Variants in IQGAP2 observed in about 807,000 individuals in gnomAD.
IQGAP2 encodes the protein IQ motif containing GTPase activating protein 2.
Under a neutral mutation model 201.3 loss-of-function variants are expected in IQGAP2, and 173 were observed. The observed-to-expected ratio is 0.86, with a 90% CI of 0.76 to 0.98. The LOEUF is 0.98. IQGAP2 is among the 50% of genes least tolerant of loss of function. IQGAP2 has a pLI of 0.00. For synonymous variants in IQGAP2, 675 were observed against 673.9 expected, an observed-to-expected ratio of 1.00 and a Z score of -0.03; for missense variants, 1,687 against 1,864.8, an observed-to-expected ratio of 0.90 and a Z score of 1.76.
chr5:76,484,950 T>A (rs867337394), intron 2 of IQGAP2, among the ~76,000 whole-genome samples: 3 of 152,194 alleles, frequency 2.0e-5, no homozygotes, highest in African/African-American at 4.8e-5. Flanking sequence ...GGCCTCAGCC[T>A]TGTGAGTAGC....
At chr5:76,609,809 G>A (rs529182580) in intron 12 of IQGAP2, among the ~76,000 whole-genome samples, 3 of 148,642 alleles carry the variant, frequency 2.0e-5, no homozygotes, top group African/African-American at 7.5e-5. Context: ...AAGCTCCTTG[G>A]CAGTGTGTGT....
At chr5:76,605,875 G>A (rs1216929100) in intron 11 of IQGAP2, among the ~76,000 whole-genome samples, 1 of 152,208 alleles carries the variant, frequency 6.6e-6, no homozygotes, top group Non-Finnish European at 1.5e-5. Flanking sequence ...AGGAAAATTA[G>A]TAACTAGGGA....
At chr5:76,697,929 G>A in intron 32 of IQGAP2, 58 bp from the exon 33 acceptor site, 4 of 1,334,740 alleles carry the variant, frequency 3.0e-6, no homozygotes, top group Non-Finnish European at 4.2e-6. Context: ...GTCCCAAACT[G>A]GCAATATCAT....
At chr5:76,623,936 CTT>C (rs368076875) in intron 13 of IQGAP2, among the ~76,000 whole-genome samples, 6 of 100,772 alleles carry the variant, frequency 6.0e-5, no homozygotes, top group Non-Finnish European at 7.5e-5. Flanking sequence ...TTTGTTCAGG[CTT>C]TTTTTTTTTT....
At chr5:76,532,646 A>AG (rs2150208901) in intron 2 of IQGAP2, among the ~76,000 whole-genome samples, 1 of 152,266 alleles carries the variant, frequency 6.6e-6, no homozygotes, top group South Asian at 2.1e-4. Flanking sequence ...CTGGGAGTCT[A>AG]GGGGTCCACC....
intron 2 of IQGAP2, among the ~76,000 whole-genome samples, chr5:76,550,346 A>ATTTT (rs34933231): frequency 1.6e-4 from 22 of 135,262 alleles, no homozygotes; most frequent in African/African-American, 6.1e-4. Context: ...GGCTGGCAGA[A>ATTTT]TTTTTTTTTT....
intron 1 of IQGAP2, among the ~76,000 whole-genome samples, chr5:76,438,008 G>GTTTTTTT (rs768892670): frequency 2.2e-5 from 2 of 91,044 alleles, no homozygotes; most frequent in African/African-American, 3.7e-5. Flanking sequence ...TTGGTCTGTA[G>GTTTTTTT]TTTTTTTTTT....
intron 2 of IQGAP2, among the ~76,000 whole-genome samples, chr5:76,543,156 C>T (rs553524268): frequency 6.6e-5 from 10 of 152,164 alleles, no homozygotes; most frequent in African/African-American, 9.6e-5. Flanking sequence ...AAACCCAAGC[C>T]GGCCCAGAAC....
intron 2 of IQGAP2, among the ~76,000 whole-genome samples, chr5:76,475,414 T>C (rs1230553399): frequency 6.6e-6 from 1 of 152,204 alleles, no homozygotes; most frequent in Admixed American, 6.5e-5. Context: ...GTGTTGGGGC[T>C]CAGACACTGA....
At chr5:76,659,176 G>A (rs565394851) in intron 21 of IQGAP2, among the ~76,000 whole-genome samples, 3 of 152,066 alleles carry the variant, frequency 2.0e-5, no homozygotes, top group South Asian at 4.2e-4. Context: ...TTTTAAGCCC[G>A]CCCATTTATA....
intron 5 of IQGAP2, among the ~76,000 whole-genome samples, chr5:76,587,218 C>T (rs1746310204): frequency 6.6e-6 from 1 of 152,302 alleles, no homozygotes; most frequent in African/African-American, 2.4e-5. Context: ...ACCCTTTACT[C>T]ATAAAGAATA....
chr5:76,600,813 A>G lies in IQGAP2; in HGVS notation c.1073A>G (p.Asn358Ser). 6.2e-7 allele frequency: 1 copy of G among 1,614,036 alleles called. No individual in the cohort carries two copies. The highest frequency in any genetic ancestry group is 8.5e-7 in the Non-Finnish European group (1 of 1,179,922). Reference protein sequence around the residue: ...LFNLQKQNTMNYLAHEELLIA... With the variant: ...LFNLQKQNTMSYLAHEELLIA... ...ATGTTGCCATATGTTTTCCAACAGAACTACTTGGCCCACGAGGAGCTTTTG... is the reference window on the plus strand; with the variant it reads ...ATGTTGCCATATGTTTTCCAACAGAGCTACTTGGCCCACGAGGAGCTTTTG... The change falls in exon 11 of 36, where the codon AAC (asparagine) becomes AGC (serine). Residue 358 changes from asparagine (N) to serine (S), a missense_variant and splice_region_variant. Coordinates refer to ENST00000274364, the MANE Select transcript of IQGAP2 (RefSeq NM_006633.5).
intron 2 of IQGAP2, among the ~76,000 whole-genome samples, chr5:76,534,507 G>T (rs372078167): frequency 6.6e-6 from 1 of 152,176 alleles, no homozygotes; most frequent in African/African-American, 2.4e-5. Context: ...ACATAATTAC[G>T]TTCTCTATGA....
rs911763887 is a variant in IQGAP2 at position 76,593,754 on chromosome 5, T to C, written c.907+829T>C. On this transcript the variant is annotated intron_variant, in intron 9 of 35. Coordinates refer to ENST00000274364, the MANE Select transcript of IQGAP2 (RefSeq NM_006633.5). ...TGCTTAATAAAGCATGTGAACTCCC[T>C]GCGAAATTAAAATTTGGAGTATCCA... Among the ~76,000 whole-genome samples the C allele has an allele frequency of 6.6e-5, 10 of 152,348 alleles. No individual in the cohort carries two copies. The East Asian group carries it at 1.5e-3, about 24-fold the overall frequency.
At chr5:76,681,875 A>G (rs1209310395) in intron 28 of IQGAP2, among the ~76,000 whole-genome samples, 1 of 152,240 alleles carries the variant, frequency 6.6e-6, no homozygotes, top group Non-Finnish European at 1.5e-5. Flanking sequence ...ATATTCATAC[A>G]ATACAATATT....
chr5:76,520,042 T>G (rs1237575128), intron 2 of IQGAP2, among the ~76,000 whole-genome samples: 9 of 152,080 alleles, frequency 5.9e-5, no homozygotes, highest in Non-Finnish European at 1.0e-4. Flanking sequence ...TTCAATAAAG[T>G]CCAATTTATC....
chr5:76,687,298 T>C (rs548792677), intron 30 of IQGAP2, among the ~76,000 whole-genome samples: 1 of 152,370 alleles, frequency 6.6e-6, no homozygotes, highest in African/African-American at 2.4e-5. Flanking sequence ...AAATCAACAC[T>C]GACTGGTTAG....
intron 2 of IQGAP2, among the ~76,000 whole-genome samples, chr5:76,507,870 G>A (rs541767886): frequency 7.2e-5 from 11 of 151,912 alleles, no homozygotes; most frequent in Admixed American, 5.2e-4. Context: ...TTAGCTGGGC[G>A]TGGTGACACG....
At chr5:76,580,625 C>G (rs188714957) in intron 5 of IQGAP2, among the ~76,000 whole-genome samples, 14 of 152,270 alleles carry the variant, frequency 9.2e-5, no homozygotes, top group Admixed American at 7.8e-4. Context: ...TGTTTTGAAC[C>G]TGTGGCCTTT....
Sources: gnomAD v4.1 joint callset for allele counts (sites outside exome capture counted in the v4.1 genomes callset) on GRCh38, gnomAD v4.1.1 for gene constraint, MANE v1.5 for transcripts, NCBI Gene and HGNC (gene_info 2026-07-23, HGNC 2026-07-21) for gene names.